Variants in EXOC2 observed in about 807,000 individuals in gnomAD.
EXOC2 encodes the protein SEC5-like 1.
EXOC2 carries 70 observed loss-of-function variants against 131.8 expected under a neutral mutation model. That is an observed-to-expected ratio of 0.53 (90% CI 0.44 to 0.65). The LOEUF (loss-of-function observed/expected upper bound fraction) is 0.65, where lower values mean the gene tolerates loss of function less well. EXOC2 is among the 30% of genes least tolerant of loss of function. The pLI is 0.00. For missense variants in EXOC2, 923 were observed against 1,108.6 expected (o/e 0.83, Z 2.38); for synonymous variants, 411 against 398.4 (o/e 1.03, Z -0.38).
At chr6:614,441 T>A (rs766788792) in intron 6 of EXOC2, among the ~76,000 whole-genome samples, 3 of 152,210 alleles carry the variant, frequency 2.0e-5, no homozygotes, top group African/African-American at 7.2e-5. Context: ...GGAAGCTCCA[T>A]GGATGAAAAT....
intron 22 of EXOC2, among the ~76,000 whole-genome samples, chr6:542,487 C>G (rs758788812): frequency 2.2e-4 from 34 of 152,132 alleles, no homozygotes; most frequent in Non-Finnish European, 4.9e-4. Flanking sequence ...ATCTGCATCT[C>G]AAGTGGGCTT....
At chr6:524,209 A>G (rs889266852) in intron 23 of EXOC2, 2 of 152,182 alleles carry the variant, frequency 1.3e-5, no homozygotes, top group African/African-American at 4.8e-5. Context: ...CAGACTCGGC[A>G]ATGACTGTAA....
chr6:639,621 G>A (rs1762263628), intron 1 of EXOC2, among the ~76,000 whole-genome samples: 1 of 152,196 alleles, frequency 6.6e-6, no homozygotes, highest in Non-Finnish European at 1.5e-5. Context: ...CCTGACACCT[G>A]AGTGTCTTCC....
At chr6:504,847 C>T (rs1263806646) in intron 23 of EXOC2, among the ~76,000 whole-genome samples, 2 of 152,260 alleles carry the variant, frequency 1.3e-5, no homozygotes, top group African/African-American at 2.4e-5. Context: ...AGACAGGACC[C>T]CCCACCCTAA....
At chr6:598,212 G>T in intron 9 of EXOC2, 89 bp from the exon 10 acceptor site, 1 of 1,020,422 alleles carries the variant, frequency 9.8e-7, no homozygotes, top group Non-Finnish European at 1.4e-6. Flanking sequence ...GCTTTTGTGG[G>T]GTGAGGGCTA....
intron 6 of EXOC2, among the ~76,000 whole-genome samples, chr6:617,199 C>G (rs1761058598): frequency 6.6e-6 from 1 of 152,086 alleles, no homozygotes. Context: ...AAAAACTCTA[C>G]CAACATCTTG....
chr6:520,711 G>C (rs1162614803), intron 23 of EXOC2, among the ~76,000 whole-genome samples: 1 of 120,730 alleles, frequency 8.3e-6, no homozygotes, highest in African/African-American at 3.5e-5. Context: ...CACACTCGGA[G>C]ACGAAAACAA....
chr6:600,954 T>A (rs1025299061), intron 7 of EXOC2, among the ~76,000 whole-genome samples: 6 of 152,168 alleles, frequency 3.9e-5, no homozygotes, highest in African/African-American at 1.4e-4. Flanking sequence ...AAAACTGAAG[T>A]TCCTAACTCT....
At chr6:502,738 G>C (rs1480022430) in intron 23 of EXOC2, among the ~76,000 whole-genome samples, 1 of 152,092 alleles carries the variant, frequency 6.6e-6, no homozygotes, top group Admixed American at 6.5e-5. Context: ...ATAATATAAG[G>C]AGCTCAAAGA....
At position 570,234 on chromosome 6, in the gene EXOC2, C is replaced by T. The variant is rs917951899; in HGVS notation, c.1443+2286G>A. 2.5e-3 allele frequency among the ~76,000 whole-genome samples: 35 copies of T among 13,912 alleles called. 1 individual carries two copies. Among genetic ancestry groups the T allele is most frequent in the Non-Finnish European group, 5.9e-4 (5 of 8,538 alleles). The allele number at this position is 13,912 out of a possible 152,430, so 9.1% of individuals were successfully genotyped here. A position where few individuals can be genotyped will look rare whatever the true frequency, so the allele number is the denominator to read the frequency against. On this transcript the variant is annotated intron_variant, in intron 13 of 27. Coordinates refer to ENST00000230449, the MANE Select transcript of EXOC2 (RefSeq NM_018303.6). ...CTGCAGGCTCCGCCTCCCGGGTTCA[C>T]GCCATTCTCCTGCCTCAGCCTCCCG... is the stretch of plus-strand genomic sequence containing the variant.
chr6:561,760 A>G (rs186807004), intron 17 of EXOC2, among the ~76,000 whole-genome samples: 6 of 152,052 alleles, frequency 3.9e-5, no homozygotes, highest in East Asian at 1.9e-4. Flanking sequence ...AAAATTTTGT[A>G]TTTTTAGTAG....
At chr6:534,172 C>G (rs2473482) in intron 22 of EXOC2, among the ~76,000 whole-genome samples, 145,481 of 152,286 alleles carry the variant, frequency 0.96, 69,564 homozygotes, top group East Asian at 1. Context: ...AAACTATGAA[C>G]AACAAGACTA....
intron 23 of EXOC2, among the ~76,000 whole-genome samples, chr6:501,473 TTA>T (rs1228305763): frequency 2.0e-4 from 1 of 4,920 alleles, no homozygotes; most frequent in Non-Finnish European, 3.5e-4. Flanking sequence ...TCTATATATA[TTA>T]TATATATCTA....
intron 1 of EXOC2, among the ~76,000 whole-genome samples, chr6:653,767 T>C (rs1035929547): frequency 1.3e-5 from 2 of 152,184 alleles, no homozygotes; most frequent in Admixed American, 1.3e-4. Flanking sequence ...TGAAGACAAA[T>C]AGCCTTCAAT....
intron 22 of EXOC2, among the ~76,000 whole-genome samples, chr6:544,149 C>T (rs1209192889): frequency 6.6e-6 from 1 of 152,222 alleles, no homozygotes; most frequent in Non-Finnish European, 1.5e-5. Context: ...AGCTGTTTTA[C>T]TCCTTATTTC....
At position 637,808 on chromosome 6, in the gene EXOC2, G is replaced by A; in HGVS notation, c.11C>T (p.Ser4Leu). MSRSRQPPLVTGIS... is the reference protein window; with the variant it reads MSRLRQPPLVTGIS... ...GCCGGTCACAAGGGGGGGTTGTCGTGATCGAGACATTGTGCTTTGTGGAGC... is the reference window on the plus strand; with the variant it reads ...GCCGGTCACAAGGGGGGGTTGTCGTAATCGAGACATTGTGCTTTGTGGAGC... Residue 4 changes from serine to leucine, a missense_variant, in exon 2 of 28, where the codon TCA becomes TTA. Ser to Leu is a moderately radical substitution (Grantham distance 145). Transcript: ENST00000230449. 1.2e-6 allele frequency: 2 copies of A among 1,613,670 alleles called. No individual in the cohort carries two copies. The highest frequency in any genetic ancestry group is 1.3e-5 in the African/African-American group (1 of 75,032).
intron 5 of EXOC2, among the ~76,000 whole-genome samples, chr6:619,164 A>AT (rs1179284620): frequency 1.3e-5 from 2 of 152,202 alleles, no homozygotes; most frequent in Non-Finnish European, 2.9e-5. Flanking sequence ...GGCTCCATAA[A>AT]TTTTTAATAA....
At chr6:659,718 G>A (rs966438724) in intron 1 of EXOC2, among the ~76,000 whole-genome samples, 1 of 152,198 alleles carries the variant, frequency 6.6e-6, no homozygotes, top group Non-Finnish European at 1.5e-5. Flanking sequence ...AGCTCACTGT[G>A]TCCCCTTGCA....
intron 11 of EXOC2, among the ~76,000 whole-genome samples, chr6:578,093 C>T (rs1758683514): frequency 6.6e-6 from 1 of 152,188 alleles, no homozygotes; most frequent in Non-Finnish European, 1.5e-5. Context: ...CCATGTTCCC[C>T]ACAGTCATTG....
Sources: allele counts gnomAD v4.1 joint callset (sites outside exome capture counted in the v4.1 genomes callset), GRCh38; gene constraint gnomAD v4.1.1; transcripts MANE v1.5; gene names NCBI Gene and HGNC (gene_info 2026-07-23, HGNC 2026-07-21).